NOL4: variants seen among roughly 807,000 people sequenced by gnomAD.
NOL4 encodes nucleolar protein 4, also known as cancer/testis antigen 125.
Under a neutral mutation model 75.9 loss-of-function variants are expected in NOL4, and 17 were observed. The ratio of observed to expected loss-of-function variants is 0.22; its 90% CI spans 0.15 to 0.34. NOL4 has a LOEUF of 0.34. Among genes scored for constraint, NOL4 ranks in the 10% least tolerant of loss-of-function variants. NOL4 has a pLI of 1.00. For synonymous variants in NOL4, 292 were observed against 289.9 expected, an observed-to-expected ratio of 1.01 and a Z score of -0.07; for missense variants, 614 against 793.5, an observed-to-expected ratio of 0.77 and a Z score of 2.72.
At chr18:34,071,737 A>T (rs1212151322) in intron 5 of NOL4, among the ~76,000 whole-genome samples, 1 of 152,184 alleles carries the variant, frequency 6.6e-6, no homozygotes, top group Non-Finnish European at 1.5e-5. Context: ...AAGCTAAACT[A>T]TGATGTTCAT....
intron 1 of NOL4, among the ~76,000 whole-genome samples, chr18:34,139,676 C>T (rs1232879162): frequency 6.6e-6 from 1 of 152,022 alleles, no homozygotes; most frequent in Non-Finnish European, 1.5e-5. Context: ...GTCTCTATAT[C>T]CTTCAGTTCC....
At chr18:34,052,183 T>C (rs1454831524) in intron 5 of NOL4, among the ~76,000 whole-genome samples, 1 of 152,006 alleles carries the variant, frequency 6.6e-6, no homozygotes, top group East Asian at 1.9e-4. Flanking sequence ...AGGACAGAAA[T>C]AGAAATTTGT....
At position 33,918,321 on chromosome 18, in the gene NOL4, G is replaced by C. The variant is rs368509128; in HGVS notation, c.1542+24744C>G. On this transcript the variant is annotated intron_variant, in intron 9 of 10. Coordinates refer to ENST00000261592, the MANE Select transcript of NOL4 (RefSeq NM_003787.5). ...TAAAAAGGAAGTACCTTAATTCAGTGGTTGGTTAAAGATGAGGTTCATAAT... is the reference window on the plus strand; with the variant it reads ...TAAAAAGGAAGTACCTTAATTCAGTCGTTGGTTAAAGATGAGGTTCATAAT... Among the ~76,000 whole-genome samples, 6 of 152,112 alleles carry C rather than the reference G, an allele frequency of 3.9e-5. No homozygotes were observed. The East Asian group carries it at 7.7e-4, about 20-fold the overall frequency.
At position 34,223,036 on chromosome 18, in the gene NOL4, C is replaced by A; in HGVS notation, c.218G>T (p.Gly73Val). The A allele has an allele frequency of 1.2e-6, 2 of 1,613,140 alleles. No homozygotes were observed. Among genetic ancestry groups the A allele is most frequent in the Non-Finnish European group, 8.5e-7 (1 of 1,180,030 alleles). Residue 73 changes from glycine to valine, a missense_variant, in exon 1 of 11, where the codon GGA becomes GTA. By Grantham distance (109) the Gly-to-Val change is moderately radical. Coordinates refer to ENST00000261592, the MANE Select transcript of NOL4 (RefSeq NM_003787.5). Reference sequence around the variant, plus strand: ...GAGCACTTGCTTGGCGCCGCCGCCTCCCCCGCGGACCTCGTCCGGCTGGCC... The same window carrying A: ...GAGCACTTGCTTGGCGCCGCCGCCTACCCCGCGGACCTCGTCCGGCTGGCC... The part of the protein sequence containing the change: ...QLGQPDEVRG[G>V]GGGAKQVLYV...
At chr18:34,095,491 T>C (rs999311643) in intron 4 of NOL4, among the ~76,000 whole-genome samples, 9 of 152,226 alleles carry the variant, frequency 5.9e-5, no homozygotes, top group African/African-American at 1.7e-4. Flanking sequence ...CTTCCTAGAT[T>C]CAGGTCCATA....
At chr18:33,928,250 C>T (rs1014198917) in intron 9 of NOL4, among the ~76,000 whole-genome samples, 1 of 152,084 alleles carries the variant, frequency 6.6e-6, no homozygotes, top group Admixed American at 6.6e-5. Context: ...GTATCAACAT[C>T]GTAGGTTAAA....
intron 10 of NOL4, among the ~76,000 whole-genome samples, chr18:33,860,458 G>A (rs560636579): frequency 8.5e-5 from 13 of 152,144 alleles, no homozygotes; most frequent in Non-Finnish European, 1.9e-4. Flanking sequence ...GTTAGTGATT[G>A]TTACTTTTGC....
At chr18:33,984,143 C>G (rs1175165598) in intron 6 of NOL4, among the ~76,000 whole-genome samples, 1 of 151,980 alleles carries the variant, frequency 6.6e-6, no homozygotes, top group Non-Finnish European at 1.5e-5. Context: ...ATCTAGTCAA[C>G]AACAAAGAAA....
intron 10 of NOL4, among the ~76,000 whole-genome samples, chr18:33,862,239 C>G (rs1175155279): frequency 1.3e-5 from 2 of 152,016 alleles, no homozygotes; most frequent in Non-Finnish European, 2.9e-5. Flanking sequence ...GAAACTGGAT[C>G]CCTTCCTTAC....
At chr18:34,034,459 C>G (rs2075788739) in intron 5 of NOL4, among the ~76,000 whole-genome samples, 1 of 152,158 alleles carries the variant, frequency 6.6e-6, no homozygotes, top group Non-Finnish European at 1.5e-5. Context: ...AAAAGGGAAG[C>G]CAGACACGGT....
At chr18:33,888,141 G>C (rs1339721041) in intron 9 of NOL4, among the ~76,000 whole-genome samples, 1 of 152,110 alleles carries the variant, frequency 6.6e-6, no homozygotes, top group South Asian at 2.1e-4. Flanking sequence ...ATCTCATTGT[G>C]GTTTTGATTT....
intron 1 of NOL4, among the ~76,000 whole-genome samples, chr18:34,156,143 C>T (rs911629969): frequency 2.6e-5 from 4 of 152,034 alleles, no homozygotes; most frequent in East Asian, 1.9e-4. Flanking sequence ...CAGAACTTCC[C>T]GTGCATTATA....
rs56398038 is a variant in NOL4, at chr18:34,091,195, CAAA to C, written c.772+2267_772+2269del. Among the ~76,000 whole-genome samples the C allele has an allele frequency of 8.1e-4, 100 of 122,730 alleles. 1 individual carries two copies. The highest frequency in any genetic ancestry group is 1.5e-3 in the African/African-American group (48 of 32,258). The allele number at this position is 122,730 out of a possible 152,430, so 80.5% of individuals were successfully genotyped here. A position where few individuals can be genotyped will look rare whatever the true frequency, so the allele number is the denominator to read the frequency against. ...TGAAACCCCATCTCTACTAAAAATA[CAAA>C]AAAAAAAAAAAAAAATTAGCTGGGT... On this transcript the variant is annotated intron_variant, in intron 5 of 10. Coordinates refer to ENST00000261592, the MANE Select transcript of NOL4 (RefSeq NM_003787.5).
intron 8 of NOL4, 42 bp from the exon 9 acceptor site, chr18:33,943,220 G>A (rs749766507): frequency 2.2e-6 from 3 of 1,387,092 alleles, no homozygotes; most frequent in Non-Finnish European, 3.0e-6. Context: ...ATTATTAACA[G>A]TATCATTAAC....
chr18:34,056,446 AGCATCT>A lies in NOL4; in HGVS notation c.773-36851_773-36846del, dbSNP rs796979741. Among the ~76,000 whole-genome samples the A allele has an allele frequency of 2.0e-5, 3 of 152,064 alleles. No individual in the cohort carries two copies. In the South Asian group the frequency reaches 6.3e-4, roughly 32 times the overall value. ...GAGCTCATAATCTCCTGCTCCTTCT[AGCATCT>A]GCCTGTAGAACTACAGAATCTCTGC... On this transcript the variant is annotated intron_variant, in intron 5 of 10. Transcript: ENST00000261592.
chr18:33,922,543 C>A (rs1210636885), intron 9 of NOL4, among the ~76,000 whole-genome samples: 1 of 152,140 alleles, frequency 6.6e-6, no homozygotes, highest in African/African-American at 2.4e-5. Flanking sequence ...TTGCAGTCTG[C>A]AGGCTGTATT....
intron 6 of NOL4, among the ~76,000 whole-genome samples, chr18:33,979,838 G>A (rs1034445120): frequency 6.6e-6 from 1 of 151,954 alleles, no homozygotes; most frequent in Non-Finnish European, 1.5e-5. Flanking sequence ...TTAGAATTAT[G>A]GAAAGGGAAC....
At chr18:33,986,830 CT>C (rs1568173678) in intron 6 of NOL4, among the ~76,000 whole-genome samples, 1 of 152,076 alleles carries the variant, frequency 6.6e-6, no homozygotes, top group Non-Finnish European at 1.5e-5. Flanking sequence ...TTTACAGCCA[CT>C]TTATTTATAA....
chr18:33,881,880 G>C (rs2064301807), intron 10 of NOL4, among the ~76,000 whole-genome samples: 2 of 152,010 alleles, frequency 1.3e-5, no homozygotes, highest in Non-Finnish European at 2.9e-5. Context: ...GAACAGAACA[G>C]AGCCCTCAGA....
Sources: gnomAD v4.1 joint callset for allele counts (sites outside exome capture counted in the v4.1 genomes callset) on GRCh38, gnomAD v4.1.1 for gene constraint, MANE v1.5 for transcripts, NCBI Gene and HGNC (gene_info 2026-07-23, HGNC 2026-07-21) for gene names.